ERCC6L2: variants seen among roughly 807,000 people sequenced by gnomAD.
ERCC6L2 encodes ERCC excision repair 6 like 2, also known as DNA excision repair protein ERCC-6-like 2.
ERCC6L2 carries 77 observed loss-of-function variants against 132.0 expected under a neutral mutation model. The ratio of observed to expected loss-of-function variants is 0.58; its 90% confidence interval spans 0.49 to 0.71. ERCC6L2 has a LOEUF of 0.71. Ranked by LOEUF, ERCC6L2 falls within the 30% of genes least tolerant of loss-of-function variation. ERCC6L2 has a pLI of 0.00. For synonymous variants in ERCC6L2, 583 were observed against 632.4 expected (o/e 0.92, Z 1.17); for missense variants, 1,542 against 1,837.6 (o/e 0.84, Z 2.94).
At chr9:95,880,222 T>C (rs573177109) in intron 1 of ERCC6L2, among the ~76,000 whole-genome samples, 1 of 152,228 alleles carries the variant, frequency 6.6e-6, no homozygotes, top group South Asian at 2.1e-4. Flanking sequence ...GAGGTTCCCA[T>C]GGTTAGCTGT....
At chr9:95,936,569 C>T (rs1052741424) in intron 11 of ERCC6L2, among the ~76,000 whole-genome samples, 1 of 152,154 alleles carries the variant, frequency 6.6e-6, no homozygotes, top group Non-Finnish European at 1.5e-5. Flanking sequence ...ACTTTTTATT[C>T]TGAGATATTT....
intron 17 of ERCC6L2, among the ~76,000 whole-genome samples, chr9:95,997,137 G>A (rs1833497966): frequency 6.6e-6 from 1 of 151,388 alleles, no homozygotes; most frequent in Admixed American, 6.6e-5. Context: ...TTTCTCTGGT[G>A]GACTTGGGCA....
intron 2 of ERCC6L2, among the ~76,000 whole-genome samples, chr9:95,884,971 G>T (rs182387586): frequency 4.6e-5 from 7 of 152,292 alleles, no homozygotes; most frequent in African/African-American, 1.7e-4. Context: ...CAGATCTGGT[G>T]AAGAGGGCAC....
At chr9:95,934,281 G>T (rs540521111) in intron 11 of ERCC6L2, among the ~76,000 whole-genome samples, 1 of 152,164 alleles carries the variant, frequency 6.6e-6, no homozygotes, top group African/African-American at 2.4e-5. Flanking sequence ...AACATGAAAA[G>T]ATCACAATTA....
At chr9:95,911,273 A>G (rs1423855600) in intron 4 of ERCC6L2, among the ~76,000 whole-genome samples, 1 of 152,172 alleles carries the variant, frequency 6.6e-6, no homozygotes, top group Non-Finnish European at 1.5e-5. Context: ...AAATTCTTCT[A>G]TCATAGCATC....
At chr9:95,960,756 C>T (rs1587982243) in intron 13 of ERCC6L2, among the ~76,000 whole-genome samples, 1 of 152,220 alleles carries the variant, frequency 6.6e-6, no homozygotes. Context: ...CCTCAGCATC[C>T]CAAGTAGCTG....
intron 1 of ERCC6L2, 121 bp from the exon 2 acceptor site, chr9:95,880,748 T>A: frequency 1.3e-6 from 1 of 744,770 alleles, no homozygotes; most frequent in Non-Finnish European, 2.2e-6. Context: ...AGAATTTATC[T>A]TGTTCCAGTT....
intron 17 of ERCC6L2, among the ~76,000 whole-genome samples, chr9:95,987,707 CTGGAGTA>C (rs1833147922): frequency 6.6e-6 from 1 of 152,202 alleles, no homozygotes; most frequent in Non-Finnish European, 1.5e-5. Context: ...ATTATGGGGC[CTGGAGTA>C]TGGTGGCCCT....
chr9:95,876,429 A>T, intron 1 of ERCC6L2: 1 of 268,034 alleles, frequency 3.7e-6, no homozygotes, highest in Non-Finnish European at 7.0e-6. Flanking sequence ...CGTGTGGCCC[A>T]TATTAAGCAC....
At position 96,000,360 on chromosome 9, in the gene ERCC6L2, GC is replaced by G. The variant is rs143495762; in HGVS notation, c.3493-4159del. On this transcript the variant is annotated intron_variant, in intron 17 of 18. Coordinates refer to ENST00000653738, the MANE Select transcript of ERCC6L2 (RefSeq NM_020207.7). ...GTTTGTTACTAAAGAACATACTCTT[GC>G]TTTTGTCAGTTTCAATAAAATGAAC... 4.0e-3 allele frequency among the ~76,000 whole-genome samples: 608 copies of G among 152,146 alleles called. 4 individuals carry two copies. Among genetic ancestry groups the G allele is most frequent in the Middle Eastern group, 0.01 (3 of 294 alleles).
downstream of ERCC6L2, chr9:96,019,854 TGAGA>T (rs1248769439): frequency 1.3e-5 from 2 of 151,962 alleles, no homozygotes; most frequent in Non-Finnish European, 2.9e-5. Context: ...CACAGGGTGG[TGAGA>T]GAGAGGAAGG....
intron 2 of ERCC6L2, among the ~76,000 whole-genome samples, 192 bp downstream of exon 2, chr9:95,881,485 C>T (rs1827590451): frequency 6.6e-6 from 1 of 152,154 alleles, no homozygotes; most frequent in Non-Finnish European, 1.5e-5. Flanking sequence ...TATCATTCTT[C>T]AGTACCTATG....
intron 3 of ERCC6L2, chr9:95,906,838 C>A: frequency 1.9e-6 from 1 of 536,746 alleles, no homozygotes; most frequent in Non-Finnish European, 3.4e-6. Context: ...ATAAAAAACA[C>A]GTGTTTCTTT....
intron 17 of ERCC6L2, among the ~76,000 whole-genome samples, chr9:95,997,946 T>A (rs1019747441): frequency 6.6e-6 from 1 of 152,238 alleles, no homozygotes; most frequent in African/African-American, 2.4e-5. Flanking sequence ...TGTGAAAGAT[T>A]TACTATTTTA....
chr9:96,003,974 G>T (rs1833776495), intron 17 of ERCC6L2, among the ~76,000 whole-genome samples: 1 of 152,150 alleles, frequency 6.6e-6, no homozygotes, highest in African/African-American at 2.4e-5. Context: ...AAAGGAGTAT[G>T]ATTCCATCTA....
intron 19 of ERCC6L2, among the ~76,000 whole-genome samples, chr9:96,037,579 G>A (rs141643617): frequency 4.2e-4 from 64 of 152,324 alleles, no homozygotes; most frequent in Middle Eastern, 3.4e-3. Flanking sequence ...ACCAAAGCAG[G>A]AAATACAGTC....
intron 4 of ERCC6L2, among the ~76,000 whole-genome samples, chr9:95,910,388 G>A (rs1029311709): frequency 1.3e-5 from 2 of 151,952 alleles, no homozygotes; most frequent in East Asian, 1.9e-4. Flanking sequence ...TAGCCATATT[G>A]TGGTACATTT....
chr9:95,915,803 G>A lies in ERCC6L2; in HGVS notation c.924G>A (p.Met308Ile), dbSNP rs762077201. Residue 308 changes from methionine (M) to isoleucine (I), a missense_variant, in exon 5 of 19, where the codon ATG becomes ATA. This residue lies in a region of ERCC6L2 where 945 missense variants were observed against 1,105.2 expected (regional missense o/e 0.86). Transcript: ENST00000653738. ...GLTGTILQNN[M>I]KELWCVMDWA... Reference sequence around the variant, plus strand: ...CTGGAACCATCCTTCAGAACAACATGAAGGAACTGTGGTGTGTTATGGACT... The same window carrying A: ...CTGGAACCATCCTTCAGAACAACATAAAGGAACTGTGGTGTGTTATGGACT... The A allele has an allele frequency of 1.2e-6, 2 of 1,612,536 alleles. No individual in the cohort carries two copies. Among genetic ancestry groups the A allele is most frequent in the East Asian group, 2.2e-5 (1 of 44,830 alleles).
chr9:96,023,246 T>C (rs1834319357), downstream of ERCC6L2, among the ~76,000 whole-genome samples: 1 of 152,250 alleles, frequency 6.6e-6, no homozygotes, highest in Non-Finnish European at 1.5e-5. Context: ...AAGGGATTTA[T>C]GATTAGCATA....
Sources: allele counts gnomAD v4.1 joint callset (sites outside exome capture counted in the v4.1 genomes callset), GRCh38; gene constraint gnomAD v4.1.1; regional missense constraint gnomAD v4.1.1; transcripts MANE v1.5; gene names NCBI Gene and HGNC (gene_info 2026-07-23, HGNC 2026-07-21).